Variants in PLXDC2 observed in about 807,000 individuals in gnomAD.
PLXDC2 encodes the protein plexin domain containing 2.
PLXDC2 carries 40 observed loss-of-function variants against 68.9 expected under a neutral mutation model. The observed-to-expected ratio is 0.58, with a 90% CI of 0.45 to 0.76. The LOEUF (loss-of-function observed/expected upper bound fraction) is 0.76. PLXDC2 is among the 30% of genes least tolerant of loss of function. The pLI is 0.00. For synonymous variants in PLXDC2, 243 were observed against 234.2 expected, an observed-to-expected ratio of 1.04 and a Z score of -0.34; for missense variants, 644 against 661.9, an observed-to-expected ratio of 0.97 and a Z score of 0.30.
intron 1 of PLXDC2, among the ~76,000 whole-genome samples, chr10:19,991,951 G>C (rs1812789016): frequency 6.6e-6 from 1 of 152,112 alleles, no homozygotes; most frequent in Non-Finnish European, 1.5e-5. Flanking sequence ...TTCATGCAGT[G>C]GGACTTACCT....
intron 4 of PLXDC2, among the ~76,000 whole-genome samples, chr10:20,123,504 T>C (rs1833728123): frequency 2.0e-5 from 3 of 152,230 alleles, no homozygotes; most frequent in African/African-American, 7.2e-5. Context: ...CTGTCGAGTT[T>C]GTATTGGGGT....
intron 13 of PLXDC2, among the ~76,000 whole-genome samples, chr10:20,270,017 A>AAAAAT (rs149243687): frequency 0.054 from 7,855 of 146,058 alleles, 419 homozygotes; most frequent in African/African-American, 0.14. Flanking sequence ...GGCTCCATCA[A>AAAAAT]AAAATAAAAT....
intron 1 of PLXDC2, among the ~76,000 whole-genome samples, chr10:19,965,358 G>C (rs978453786): frequency 1.3e-5 from 2 of 152,114 alleles, no homozygotes; most frequent in African/African-American, 4.8e-5. Context: ...TAATTGCCAT[G>C]GACTATTGGC....
chr10:20,102,823 TAGG>T (rs1009102861), intron 4 of PLXDC2, among the ~76,000 whole-genome samples: 13 of 152,168 alleles, frequency 8.5e-5, no homozygotes, highest in African/African-American at 1.4e-4. Context: ...GGTATAATTT[TAGG>T]AGTTTATCAG....
At position 19,882,075 on chromosome 10, in the gene PLXDC2, TTAC is replaced by T. The variant is rs1837737610; in HGVS notation, c.112+64887_112+64889del. Among the ~76,000 whole-genome samples, 5 of 152,358 alleles carry T rather than the reference TTAC, an allele frequency of 3.3e-5. 1 individual carries two copies. ...TTCTGGTAATGTTGACATTGAGTGCTTACTAAGTGCCTAGTTAAGTGACTAGTA... is the reference window on the plus strand; with the variant it reads ...TTCTGGTAATGTTGACATTGAGTGCTTAAGTGCCTAGTTAAGTGACTAGTA... On this transcript the variant is annotated intron_variant, in intron 1 of 13. Coordinates refer to ENST00000377252, the MANE Select transcript of PLXDC2 (RefSeq NM_032812.9).
chr10:19,820,632 C>T (rs1268466031), intron 1 of PLXDC2, among the ~76,000 whole-genome samples: 1 of 132,060 alleles, frequency 7.6e-6, no homozygotes, highest in Non-Finnish European at 1.6e-5. Context: ...CAGAGCGAGA[C>T]TCCGTCTCAA....
intron 3 of PLXDC2, among the ~76,000 whole-genome samples, chr10:20,051,054 A>G (rs759569187): frequency 1.8e-4 from 27 of 152,128 alleles, no homozygotes; most frequent in African/African-American, 3.4e-4. Flanking sequence ...CTATGCAGCC[A>G]TATAAAAAGA....
intron 4 of PLXDC2, among the ~76,000 whole-genome samples, chr10:20,137,911 T>TGTGG (rs934338266): frequency 4.6e-5 from 7 of 152,128 alleles, no homozygotes; most frequent in Non-Finnish European, 8.8e-5. Flanking sequence ...TGTGGGTGTA[T>TGTGG]GTGGGAATGT....
At chr10:19,882,952 CCTTT>C (rs773831855) in intron 1 of PLXDC2, among the ~76,000 whole-genome samples, 2 of 138,378 alleles carry the variant, frequency 1.4e-5, no homozygotes, top group Non-Finnish European at 3.1e-5. Flanking sequence ...TTTTTTTTTT[CCTTT>C]CTTTCTTTTT....
chr10:19,904,918 T>A (rs889437186), intron 1 of PLXDC2, among the ~76,000 whole-genome samples: 3 of 152,322 alleles, frequency 2.0e-5, no homozygotes, highest in Admixed American at 2.0e-4. Flanking sequence ...AGACCCTCTT[T>A]AATCTCCACT....
In PLXDC2 at chr10:20,286,367, A is replaced by G. The variant is rs1836152638; in HGVS notation, c.*6548A>G. 6.6e-6 allele frequency: 1 copy of G among 152,232 alleles called. No homozygotes were observed. The highest frequency in any genetic ancestry group is 2.1e-4 in the South Asian group (1 of 4,830). The allele number at this position is 152,232 out of a possible 1,614,324, so 9.4% of individuals were successfully genotyped here. ...CAATAAATGTCTTTCATAATGGAATAACATAAAAGCTTTTGATTTGGCAGA... is the reference window on the plus strand; with the variant it reads ...CAATAAATGTCTTTCATAATGGAATGACATAAAAGCTTTTGATTTGGCAGA... On this transcript the variant is annotated 3_prime_UTR_variant, in exon 14 of 14. Transcript: ENST00000377252.
chr10:20,209,195 G>A (rs1015809361), intron 9 of PLXDC2, among the ~76,000 whole-genome samples: 2 of 152,140 alleles, frequency 1.3e-5, no homozygotes, highest in African/African-American at 4.8e-5. Flanking sequence ...TAATAAGCCT[G>A]GGAGTGCTAC....
At chr10:20,117,640 A>AT in intron 4 of PLXDC2, among the ~76,000 whole-genome samples, 1 of 152,182 alleles carries the variant, frequency 6.6e-6, no homozygotes, top group Non-Finnish European at 1.5e-5. Flanking sequence ...TCAACTATGT[A>AT]TTGCCCAGCA....
intron 1 of PLXDC2, among the ~76,000 whole-genome samples, chr10:19,871,547 G>A (rs905443851): frequency 2.6e-5 from 4 of 152,172 alleles, no homozygotes; most frequent in South Asian, 2.1e-4. Context: ...TCCAATATCC[G>A]TTTCTTGTCT....
At chr10:19,951,392 CAT>C (rs1589552946) in intron 1 of PLXDC2, among the ~76,000 whole-genome samples, 1 of 151,816 alleles carries the variant, frequency 6.6e-6, no homozygotes, top group East Asian at 1.9e-4. Flanking sequence ...AGCCAACAAA[CAT>C]ATGAAAAAAA....
intron 1 of PLXDC2, among the ~76,000 whole-genome samples, chr10:19,931,376 T>G (rs2131389453): frequency 6.6e-6 from 1 of 152,294 alleles, no homozygotes; most frequent in Admixed American, 6.5e-5. Flanking sequence ...TTAATGACCG[T>G]CCTTAAGCTT....
At chr10:20,220,650 G>A (rs1835197534) in intron 12 of PLXDC2, among the ~76,000 whole-genome samples, 1 of 152,048 alleles carries the variant, frequency 6.6e-6, no homozygotes. Context: ...CTGGAAAACT[G>A]ATAATTCATT....
intron 1 of PLXDC2, among the ~76,000 whole-genome samples, chr10:19,899,360 A>C (rs1050949281): frequency 6.6e-6 from 1 of 152,204 alleles, no homozygotes; most frequent in Non-Finnish European, 1.5e-5. Flanking sequence ...TAGTTTATGA[A>C]GATCAAACAA....
At chr10:20,107,863 A>G (rs757618940) in intron 4 of PLXDC2, among the ~76,000 whole-genome samples, 3 of 152,214 alleles carry the variant, frequency 2.0e-5, no homozygotes, top group Non-Finnish European at 4.4e-5. Flanking sequence ...AATTTTACCA[A>G]TAAATACAAG....
Sources: gnomAD v4.1 joint callset for allele counts (sites outside exome capture counted in the v4.1 genomes callset) on GRCh38, gnomAD v4.1.1 for gene constraint, MANE v1.5 for transcripts, NCBI Gene and HGNC (gene_info 2026-07-23, HGNC 2026-07-21) for gene names.